ZNF722: variants seen among roughly 807,000 people sequenced by gnomAD.
ZNF722 encodes the protein zinc finger protein 479 pseudogene.
chr7:64,015,020 T>C, the ZNF722 span: 4 of 1,289,936 alleles, frequency 3.1e-6, no homozygotes, highest in African/African-American at 1.5e-5. Context: ...GATTTTTATG[T>C]CTTTCAGTTA....
chr7:64,002,652 G>A, the ZNF722 span, among the ~76,000 whole-genome samples: 1 of 152,144 alleles, frequency 6.6e-6, no homozygotes, highest in African/African-American at 2.4e-5. Flanking sequence ...AACTCCCAGA[G>A]TGCTATGAAA....
the ZNF722 span, among the ~76,000 whole-genome samples, chr7:64,013,283 A>G: frequency 2.6e-5 from 4 of 151,992 alleles, no homozygotes; most frequent in Non-Finnish European, 5.9e-5. Context: ...TTTTGTCAAT[A>G]TTTGCTTTAT....
the ZNF722 span, chr7:64,005,695 T>C: frequency 1.3e-5 from 21 of 1,566,654 alleles, no homozygotes; most frequent in Non-Finnish European, 1.8e-5. Flanking sequence ...AGAATTTATA[T>C]AGAGATGTGA....
the ZNF722 span, among the ~76,000 whole-genome samples, chr7:64,002,365 C>T: frequency 1.1e-3 from 161 of 152,278 alleles, 1 homozygote; most frequent in African/African-American, 3.8e-3. Flanking sequence ...TTATTCTTAA[C>T]ACTGCCTTAG....
the ZNF722 span, among the ~76,000 whole-genome samples, chr7:64,009,211 C>T: frequency 6.6e-6 from 1 of 152,174 alleles, no homozygotes; most frequent in Admixed American, 6.5e-5. Flanking sequence ...TTGACTTCTT[C>T]TTTTCCTAAT....
chr7:64,007,230 G>GTGTGTA, the ZNF722 span, among the ~76,000 whole-genome samples: 18 of 138,510 alleles, frequency 1.3e-4, no homozygotes, highest in Admixed American at 1.1e-3. Context: ...GTTTGTGTGT[G>GTGTGTA]TATATATATA....
chr7:64,003,393 T>C, the ZNF722 span, among the ~76,000 whole-genome samples: 1 of 152,260 alleles, frequency 6.6e-6, no homozygotes, highest in African/African-American at 2.4e-5. Context: ...AGCAGGTGAA[T>C]AGGTTGTGCT....
At chr7:64,001,075 C>A in the ZNF722 span, among the ~76,000 whole-genome samples, 1 of 152,138 alleles carries the variant, frequency 6.6e-6, no homozygotes, top group African/African-American at 2.4e-5. Context: ...CTGTGCGCAG[C>A]CGAATTTTTT....
chr7:63,999,704 T>C, the ZNF722 span, among the ~76,000 whole-genome samples: 4 of 152,146 alleles, frequency 2.6e-5, no homozygotes, highest in African/African-American at 9.7e-5. Context: ...TGTATTTGTT[T>C]ATTTATTTTT....
chr7:64,000,433 G>A, the ZNF722 span, among the ~76,000 whole-genome samples: 4 of 32,686 alleles, frequency 1.2e-4, no homozygotes, highest in Non-Finnish European at 2.2e-4. Context: ...CACCATGCCC[G>A]GCCTTTTTTT....
chr7:64,008,599 C>T, the ZNF722 span, among the ~76,000 whole-genome samples: 27 of 152,230 alleles, frequency 1.8e-4, no homozygotes, highest in African/African-American at 6.5e-4. Context: ...TTCCATTGGT[C>T]TATATCTCTG....
At chr7:64,013,967 C>T in the ZNF722 span, among the ~76,000 whole-genome samples, 3 of 151,582 alleles carry the variant, frequency 2.0e-5, no homozygotes, top group South Asian at 2.1e-4. Context: ...TCTTTTCTGA[C>T]CTGCAAGGTT....
the ZNF722 span, among the ~76,000 whole-genome samples, chr7:64,006,912 C>G: frequency 6.6e-6 from 1 of 151,444 alleles, no homozygotes; most frequent in African/African-American, 2.4e-5. Context: ...CTTTTGTCTT[C>G]ATTTTACTGT....
At chr7:64,006,590 AACTG>A in the ZNF722 span, among the ~76,000 whole-genome samples, 1 of 152,210 alleles carries the variant, frequency 6.6e-6, no homozygotes, top group African/African-American at 2.4e-5. Flanking sequence ...GGACTGCACA[AACTG>A]ACTGCTTTGC....
At chr7:64,004,853 TGG>T in the ZNF722 span, among the ~76,000 whole-genome samples, 3 of 152,142 alleles carry the variant, frequency 2.0e-5, no homozygotes, top group Non-Finnish European at 4.4e-5. Context: ...CTAGAAACAT[TGG>T]TGAGCTTGCT....
the ZNF722 span, among the ~76,000 whole-genome samples, chr7:64,005,160 A>T: frequency 1.3e-5 from 2 of 152,090 alleles, no homozygotes; most frequent in South Asian, 2.1e-4. Flanking sequence ...TCAGCCAGGC[A>T]TGGTGGCTCA....
chr7:64,004,410 T>TAA, the ZNF722 span, among the ~76,000 whole-genome samples: 524 of 35,182 alleles, frequency 0.015, 12 homozygotes, highest in East Asian at 0.027. Context: ...CTCTGTCTCT[T>TAA]AAAAAAAAAA....
the ZNF722 span, among the ~76,000 whole-genome samples, chr7:64,003,268 A>G: frequency 1.7e-3 from 258 of 150,604 alleles, 2 homozygotes; most frequent in African/African-American, 6.1e-3. Context: ...TTTAATAGTT[A>G]TGGAGAAGCT....
the ZNF722 span, among the ~76,000 whole-genome samples, chr7:64,001,316 C>T: frequency 6.6e-6 from 1 of 152,146 alleles, no homozygotes; most frequent in Non-Finnish European, 1.5e-5. Context: ...CATTATTTTG[C>T]TCCCACTTAT....
Sources: allele counts gnomAD v4.1 joint callset (sites outside exome capture counted in the v4.1 genomes callset), GRCh38; gene constraint gnomAD v4.1.1; transcripts MANE v1.5; gene names NCBI Gene and HGNC (gene_info 2026-07-23, HGNC 2026-07-21).